MORN4: variants seen among roughly 807,000 people sequenced by gnomAD.
The protein encoded by MORN4 is MORN repeat-containing protein 4.
In MORN4, 8 loss-of-function variants were observed where a neutral mutation model predicts 16.4. That is an observed-to-expected ratio of 0.49 (90% confidence interval 0.29 to 0.88). The LOEUF is 0.88. Ranked by LOEUF, MORN4 falls within the 40% of genes least tolerant of loss-of-function variation. The pLI is 0.09. For synonymous variants in MORN4, 53 were observed against 68.9 expected (o/e 0.77, Z 1.14); for missense variants, 159 against 182.9 (o/e 0.87, Z 0.75).
At position 97,617,311 on chromosome 10, in the gene MORN4, C is replaced by T. The variant is rs1283255571; in HGVS notation, c.79G>A (p.Gly27Ser). 7 of 1,613,960 alleles carry T rather than the reference C, an allele frequency of 4.3e-6. No individual in the cohort carries two copies. The highest frequency in any genetic ancestry group is 5.9e-6 in the Non-Finnish European group (7 of 1,179,958). Reference sequence around the variant, plus strand: ...TCTGCAAACATCAGTTGACCAAAACCATGCCTGCGGCCTGAACAAAGAGAA... The same window carrying T: ...TCTGCAAACATCAGTTGACCAAAACTATGCCTGCGGCCTGAACAAAGAGAA... ...RGEWKEGRRH[G>S]FGQLMFADGG... The change falls in exon 3 of 5, where the codon GGT becomes AGT. Residue 27 changes from glycine to serine, a missense_variant. Coordinates refer to ENST00000307450, the MANE Select transcript of MORN4 (RefSeq NM_178832.4).
At chr10:97,628,481 T>C (rs2041367426) in intron 1 of MORN4, among the ~76,000 whole-genome samples, 1 of 152,080 alleles carries the variant, frequency 6.6e-6, no homozygotes, top group African/African-American at 2.4e-5. Flanking sequence ...AGTTTGAGGG[T>C]TATTTACGGA....
At chr10:97,632,891 C>T (rs2041409145) in intron 1 of MORN4, among the ~76,000 whole-genome samples, 1 of 152,036 alleles carries the variant, frequency 6.6e-6, no homozygotes, top group African/African-American at 2.4e-5. Flanking sequence ...CACCCATCAA[C>T]TAAATGAAGC....
intron 1 of MORN4, among the ~76,000 whole-genome samples, chr10:97,620,903 A>G (rs970106080): frequency 3.3e-5 from 5 of 152,134 alleles, no homozygotes; most frequent in Admixed American, 3.3e-4. Context: ...TGGGCGGATC[A>G]CGAGGTCAGG....
intron 1 of MORN4, among the ~76,000 whole-genome samples, chr10:97,626,750 C>T (rs1364518511): frequency 3.5e-4 from 49 of 138,394 alleles, no homozygotes; most frequent in African/African-American, 1.4e-3. Flanking sequence ...GCCACTGTGC[C>T]CAGATTTTTT....
At chr10:97,624,003 T>A (rs1269067770) in intron 1 of MORN4, among the ~76,000 whole-genome samples, 1 of 152,112 alleles carries the variant, frequency 6.6e-6, no homozygotes, top group Non-Finnish European at 1.5e-5. Flanking sequence ...CCCAAAGTGC[T>A]GGGATTACAG....
chr10:97,634,090 C>G (rs1228199713), upstream of MORN4, among the ~76,000 whole-genome samples: 3 of 151,978 alleles, frequency 2.0e-5, no homozygotes, highest in African/African-American at 7.3e-5. Flanking sequence ...GGCTTGAGCC[C>G]AAGAGTTCTA....
In MORN4 at chr10:97,615,765, A is replaced by T. The variant is rs1469842965; in HGVS notation, c.*498T>A. The T allele has an allele frequency of 6.6e-6, 1 of 151,794 alleles. No homozygotes were observed. The highest frequency in any genetic ancestry group is 2.4e-5 in the African/African-American group (1 of 41,394). 9.4% of individuals were successfully genotyped at this position (151,794 alleles called of 1,614,324 possible). On this transcript the variant is annotated 3_prime_UTR_variant, in exon 5 of 5. Coordinates refer to ENST00000307450, the MANE Select transcript of MORN4 (RefSeq NM_178832.4). Reference sequence around the variant, plus strand: ...TAATAATAATAATAATAAAAAAATTAAAAAAGAAAAGCTCTGGCCTTGACT... The same window carrying T: ...TAATAATAATAATAATAAAAAAATTTAAAAAGAAAAGCTCTGGCCTTGACT...
At chr10:97,622,858 C>CATTTATTTATTTATTT (rs138978764) in intron 1 of MORN4, among the ~76,000 whole-genome samples, 4,474 of 138,464 alleles carry the variant, frequency 0.032, 102 homozygotes, top group Middle Eastern at 0.054. Flanking sequence ...CTTCATCTTT[C>CATTTATTTATTTATTT]ATTTATTTAT....
In MORN4 at chr10:97,633,204, C is replaced by T. The variant is rs1001238935; in HGVS notation, c.-31+143G>A. On this transcript the variant is annotated intron_variant, in intron 1 of 4. Coordinates refer to ENST00000307450, the MANE Select transcript of MORN4 (RefSeq NM_178832.4). This position sits in a 1 kb window ranked among gnomAD's most constrained non-coding sequence, Gnocchi z 4.5. Reference sequence around the variant, plus strand: ...AGACTAAAGGGTTCAGGTTTGGGTCCCCCACAGGCAACCGCCCTCAGGTCA... The same window carrying T: ...AGACTAAAGGGTTCAGGTTTGGGTCTCCCACAGGCAACCGCCCTCAGGTCA... 9.8e-7 allele frequency: 1 copy of T among 1,019,484 alleles called. No homozygotes were observed. Among genetic ancestry groups the T allele is most frequent in the Non-Finnish European group, 1.3e-6 (1 of 774,190 alleles). The allele number at this position is 1,019,484 out of a possible 1,614,324, so 63.2% of individuals were successfully genotyped here. A position where few individuals can be genotyped will look rare whatever the true frequency, so the allele number is the denominator to read the frequency against.
At chr10:97,619,709 C>A (rs556496046) in intron 1 of MORN4, 26 bp from the exon 2 acceptor site, 3 of 1,579,392 alleles carry the variant, frequency 1.9e-6, no homozygotes, top group African/African-American at 2.7e-5. Flanking sequence ...AAAGGAGAAC[C>A]AGTGTCATGG....
At position 97,631,954 on chromosome 10, in the gene MORN4, A is replaced by C. The variant is rs11189301; in HGVS notation, c.-31+1393T>G. Among the ~76,000 whole-genome samples, 433 of 152,220 alleles carry C rather than the reference A, an allele frequency of 2.8e-3. 2 individuals carry two copies. The highest frequency in any genetic ancestry group is 9.7e-3 in the African/African-American group (401 of 41,528). ...GACCTTGTCTCAAAAAAAAGAAAAG[A>C]AAAGCAAAACAAAACAAAAGGTTGG... On this transcript the variant is annotated intron_variant, in intron 1 of 4. Coordinates refer to ENST00000307450, the MANE Select transcript of MORN4 (RefSeq NM_178832.4).
intron 2 of MORN4, 78 bp from the exon 3 acceptor site, chr10:97,617,400 A>C (rs1589917430): frequency 6.1e-6 from 6 of 981,292 alleles, no homozygotes; most frequent in Admixed American, 1.7e-5. Flanking sequence ...AGCATCCCTT[A>C]CCTGCCATCA....
At chr10:97,624,932 A>G (rs1480765476) in intron 1 of MORN4, among the ~76,000 whole-genome samples, 1 of 152,102 alleles carries the variant, frequency 6.6e-6, no homozygotes, top group East Asian at 1.9e-4. Context: ...ACCTCAGGTG[A>G]TCCACCTGCC....
At chr10:97,619,262 T>A (rs2041267023) in intron 2 of MORN4, 3 of 394,916 alleles carry the variant, frequency 7.6e-6, no homozygotes, top group Non-Finnish European at 1.4e-5. Context: ...GGGGCAGAGG[T>A]TGCAGTGAGC....
intron 2 of MORN4, among the ~76,000 whole-genome samples, chr10:97,618,551 T>G (rs2041259675): frequency 6.6e-6 from 1 of 152,174 alleles, no homozygotes; most frequent in Admixed American, 6.5e-5. Context: ...TCCCCTTTAA[T>G]GCGGACTGTT....
At chr10:97,619,520 T>G in intron 2 of MORN4, 67 bp downstream of exon 2, 1 of 1,164,916 alleles carries the variant, frequency 8.6e-7, no homozygotes, top group Non-Finnish European at 1.3e-6. Context: ...TGGCTATATA[T>G]CCTGATGTAT....
intron 1 of MORN4, among the ~76,000 whole-genome samples, chr10:97,620,115 C>T (rs1327205501): frequency 6.6e-6 from 1 of 151,846 alleles, no homozygotes; most frequent in African/African-American, 2.4e-5. Flanking sequence ...CAGAGATTAA[C>T]AAAGACATGA....
chr10:97,621,607 C>G (rs956385002), intron 1 of MORN4, among the ~76,000 whole-genome samples: 1 of 152,102 alleles, frequency 6.6e-6, no homozygotes, highest in African/African-American at 2.4e-5. Flanking sequence ...TGGCCGGGTG[C>G]GGTGGCTCAC....
intron 1 of MORN4, among the ~76,000 whole-genome samples, chr10:97,630,647 A>G (rs747137499): frequency 6.6e-6 from 1 of 152,218 alleles, no homozygotes; most frequent in Non-Finnish European, 1.5e-5. Flanking sequence ...GGTTGAATAC[A>G]TTTGGCTAGA....
Sources: allele counts gnomAD v4.1 joint callset (sites outside exome capture counted in the v4.1 genomes callset), GRCh38; gene constraint gnomAD v4.1.1; non-coding constraint Gnocchi (gnomAD v3.1); transcripts MANE v1.5; gene names NCBI Gene and HGNC (gene_info 2026-07-23, HGNC 2026-07-21).